NBEA: variants seen among roughly 807,000 people sequenced by gnomAD.
The protein encoded by NBEA is neurobeachin.
Under a neutral mutation model 343.4 loss-of-function variants are expected in NBEA, and 44 were observed. The observed-to-expected ratio is 0.13, with a 90% CI of 0.10 to 0.16. The LOEUF is 0.16. Among genes scored for constraint, NBEA ranks in the 10% least tolerant of loss-of-function variants. NBEA has a pLI of 1.00. For synonymous variants in NBEA, 1,175 were observed against 1,238.7 expected (o/e 0.95, Z 1.08); for missense variants, 2,555 against 3,631.3 (o/e 0.70, Z 7.62).
At chr13:35,432,583 A>G (rs1169037206) in intron 39 of NBEA, among the ~76,000 whole-genome samples, 190 bp downstream of exon 39, 2 of 152,012 alleles carry the variant, frequency 1.3e-5, no homozygotes, top group African/African-American at 2.4e-5. Flanking sequence ...CTCAGATTAG[A>G]TATATTTTTG....
intron 33 of NBEA, among the ~76,000 whole-genome samples, chr13:35,222,155 C>T (rs994945327): frequency 6.6e-6 from 1 of 151,476 alleles, no homozygotes; most frequent in African/African-American, 2.4e-5. Flanking sequence ...TCACTGATTT[C>T]AGCTGGATTA....
chr13:35,203,746 TATA>T (rs1414593929), intron 31 of NBEA, among the ~76,000 whole-genome samples: 6 of 152,206 alleles, frequency 3.9e-5, no homozygotes, highest in Admixed American at 1.3e-4. Flanking sequence ...ATTAAAATCA[TATA>T]ATCAATTAAT....
intron 48 of NBEA, among the ~76,000 whole-genome samples, chr13:35,611,334 A>G (rs1382265216): frequency 6.6e-6 from 1 of 152,262 alleles, no homozygotes; most frequent in African/African-American, 2.4e-5. Context: ...GTAACTCCAT[A>G]TTATGAAGTA....
intron 6 of NBEA, among the ~76,000 whole-genome samples, chr13:35,054,559 T>C (rs1350366551): frequency 3.3e-5 from 5 of 151,972 alleles, no homozygotes; most frequent in Non-Finnish European, 7.4e-5. Flanking sequence ...CTGACCTTGC[T>C]TTTATAGAAG....
chr13:35,269,659 G>A (rs568555540), intron 34 of NBEA, among the ~76,000 whole-genome samples: 2 of 152,242 alleles, frequency 1.3e-5, no homozygotes, highest in East Asian at 1.9e-4. Flanking sequence ...CAGACCATTC[G>A]TTGGAGAAAT....
At chr13:35,578,449 G>A (rs1223031563) in intron 45 of NBEA, among the ~76,000 whole-genome samples, 3 of 152,122 alleles carry the variant, frequency 2.0e-5, no homozygotes, top group Non-Finnish European at 2.9e-5. Context: ...TTGAGGACAG[G>A]AGTTCGAGAC....
intron 48 of NBEA, 94 bp from the exon 49 acceptor site, chr13:35,627,987 T>C (rs1265763625): frequency 2.1e-6 from 2 of 939,002 alleles, no homozygotes; most frequent in Non-Finnish European, 3.1e-6. Flanking sequence ...CATATTCTCC[T>C]TTTTATATAT....
intron 38 of NBEA, among the ~76,000 whole-genome samples, chr13:35,354,128 G>A (rs956422024): frequency 6.6e-6 from 1 of 152,128 alleles, no homozygotes; most frequent in Non-Finnish European, 1.5e-5. Context: ...TACCTCCACA[G>A]CAACAGTTAG....
chr13:35,106,292 C>T (rs149903341), intron 11 of NBEA, among the ~76,000 whole-genome samples: 6,942 of 151,786 alleles, frequency 0.046, 238 homozygotes, highest in Non-Finnish European at 0.067. Context: ...AAACAAATAC[C>T]AAAATATAAA....
At chr13:35,137,724 A>C (rs1376043896) in intron 17 of NBEA, among the ~76,000 whole-genome samples, 1 of 152,034 alleles carries the variant, frequency 6.6e-6, no homozygotes, top group Non-Finnish European at 1.5e-5. Context: ...GTAGAATTTT[A>C]AGTCTTGTAC....
At chr13:35,257,843 TATGAA>T (rs1434694478) in intron 34 of NBEA, among the ~76,000 whole-genome samples, 2 of 152,194 alleles carry the variant, frequency 1.3e-5, no homozygotes, top group Non-Finnish European at 2.9e-5. Flanking sequence ...AAGTCTGACA[TATGAA>T]AGGAAAATGC....
chr13:35,535,654 C>T (rs1377990671), intron 41 of NBEA, among the ~76,000 whole-genome samples: 1 of 152,170 alleles, frequency 6.6e-6, no homozygotes, highest in Non-Finnish European at 1.5e-5. Flanking sequence ...TTAATACTCA[C>T]AGCAACCCTG....
rs1374966695 is a variant in NBEA, at chr13:35,484,262, GTGTGTGTGTGTGTATATA to G, written c.6585+11728_6585+11745del. 1.0e-3 allele frequency among the ~76,000 whole-genome samples: 140 copies of G among 136,388 alleles called. 1 individual carries two copies. The highest frequency in any genetic ancestry group is 3.7e-3 in the African/African-American group (131 of 35,066). 89.5% of individuals were successfully genotyped at this position (136,388 alleles called of 152,430 possible). ...TGTGTGTGTGTGTGTGTGTGTGTGT[GTGTGTGTGTGTGTATATA>G]TATATATATATATGTAGACCCTCAC... On this transcript the variant is annotated intron_variant, in intron 41 of 58. Transcript: ENST00000379939.
chr13:35,349,236 C>T lies in NBEA; in HGVS notation c.6012+20C>T, dbSNP rs952584081. ...TTTGAGGTAAGGTTTTGGGAGTAGACTAAATTCTGCCTTTCTATTATAAGC... is the reference window on the plus strand; with the variant it reads ...TTTGAGGTAAGGTTTTGGGAGTAGATTAAATTCTGCCTTTCTATTATAAGC... On this transcript the variant is annotated intron_variant, in intron 37 of 58. Transcript: ENST00000379939. 7.0e-7 allele frequency: 1 copy of T among 1,433,412 alleles called. No individual in the cohort carries two copies. 88.8% of individuals were successfully genotyped at this position (1,433,412 alleles called of 1,614,324 possible).
At chr13:35,368,216 A>G (rs1342863795) in intron 38 of NBEA, among the ~76,000 whole-genome samples, 1 of 151,638 alleles carries the variant, frequency 6.6e-6, no homozygotes, top group African/African-American at 2.4e-5. Flanking sequence ...TTAATAATAA[A>G]GCTTTCTTCC....
chr13:34,988,856 A>G (rs926886142), intron 1 of NBEA, among the ~76,000 whole-genome samples: 2 of 151,034 alleles, frequency 1.3e-5, no homozygotes, highest in South Asian at 4.2e-4. Flanking sequence ...TGTAAACAGC[A>G]TGTAGCTGAG....
intron 37 of NBEA, 37 bp downstream of exon 37, chr13:35,349,253 A>C: frequency 7.8e-7 from 1 of 1,278,596 alleles, no homozygotes; most frequent in Non-Finnish European, 1.1e-6. Context: ...CTGCCTTTCT[A>C]TTATAAGCCA....
chr13:35,552,878 C>T (rs919673752), intron 43 of NBEA, among the ~76,000 whole-genome samples: 2 of 151,806 alleles, frequency 1.3e-5, no homozygotes, highest in South Asian at 2.1e-4. Context: ...CTCTTTTTGA[C>T]GTTTGGAAGA....
intron 36 of NBEA, among the ~76,000 whole-genome samples, chr13:35,313,660 G>T (rs189762888): frequency 7.7e-4 from 117 of 152,108 alleles, no homozygotes; most frequent in Non-Finnish European, 1.4e-3. Flanking sequence ...AGAGTTTACA[G>T]TCTAGTGTGG....
Sources: gnomAD v4.1 joint callset for allele counts (sites outside exome capture counted in the v4.1 genomes callset) on GRCh38, gnomAD v4.1.1 for gene constraint, MANE v1.5 for transcripts, NCBI Gene and HGNC (gene_info 2026-07-23, HGNC 2026-07-21) for gene names.